PHACTR2: variants seen among roughly 807,000 people sequenced by gnomAD.
The protein encoded by PHACTR2 is chromosome 6 open reading frame 56.
A neutral mutation model predicts 76.0 loss-of-function variants in PHACTR2; 30 were observed. That is an observed-to-expected ratio of 0.39 (90% confidence interval 0.30 to 0.54). The LOEUF is 0.54. Ranked by LOEUF, PHACTR2 falls within the 20% of genes least tolerant of loss-of-function variation. The probability of loss-of-function intolerance (pLI) is 0.61; values close to 1 mark genes in which losing one functional copy is unlikely to be tolerated. For missense variants in PHACTR2, 696 were observed against 781.1 expected (o/e 0.89, Z 1.30); for synonymous variants, 292 against 292.5 (o/e 1.00, Z 0.02).
chr6:143,703,502 T>A (rs9373397), intron 1 of PHACTR2, among the ~76,000 whole-genome samples: 35,309 of 152,096 alleles, frequency 0.23, 4,236 homozygotes, highest in East Asian at 0.37. Flanking sequence ...TTGGGAGGCA[T>A]GTATGAATAG....
In PHACTR2 at chr6:143,772,085, A is replaced by G. The variant is rs1253417764; in HGVS notation, c.1233-173A>G. Among the ~76,000 whole-genome samples the G allele has an allele frequency of 6.6e-6, 1 of 152,226 alleles. No individual in the cohort carries two copies. The highest frequency in any genetic ancestry group is 1.5e-5 in the Non-Finnish European group (1 of 68,032). ...TTGCATTTTACAGATGAAAAATGTA[A>G]AACCTTGAGAATTAAGGTTTCATTT... On this transcript the variant is annotated intron_variant, in intron 6 of 12. Transcript: ENST00000440869. The surrounding 1 kb of genome is among the most constrained non-coding windows in gnomAD (Gnocchi z 5.4).
chr6:143,621,797 C>T lies in PHACTR2; in HGVS notation c.13+13475C>T, dbSNP rs767208747. The stretch of plus-strand genomic sequence containing the variant: ...CACCTACGTGGACTTTAAATCTTTG[C>T]GAACAGTAGCTCATTTCTTCCTCTC... On this transcript the variant is annotated intron_variant, in intron 1 of 11. Coordinates refer to the PHACTR2 transcript ENST00000305766. This position sits in a 1 kb window ranked among gnomAD's most constrained non-coding sequence, Gnocchi z 4.1. Among the ~76,000 whole-genome samples, 12 of 152,254 alleles carry T rather than the reference C, an allele frequency of 7.9e-5. No homozygotes were observed. Among genetic ancestry groups the T allele is most frequent in the East Asian group, 1.9e-4 (1 of 5,178 alleles).
At chr6:143,762,455 T>A (rs1779464182) in intron 5 of PHACTR2, among the ~76,000 whole-genome samples, 1 of 152,232 alleles carries the variant, frequency 6.6e-6, no homozygotes, top group Admixed American at 6.5e-5. Flanking sequence ...AAGGCCTGAC[T>A]TTTCCAGAGG....
rs183982941 is a variant in PHACTR2 at position 143,688,286 on chromosome 6, C to A, written c.46+10077C>A. 3.4e-4 allele frequency among the ~76,000 whole-genome samples: 51 copies of A among 151,710 alleles called. 1 individual carries two copies. Among genetic ancestry groups the A allele is most frequent in the Middle Eastern group, 3.4e-3 (1 of 294 alleles). On this transcript the variant is annotated intron_variant, in intron 1 of 12. Coordinates refer to ENST00000440869, the MANE Select transcript of PHACTR2 (RefSeq NM_001100164.2). The surrounding 1 kb of genome is among the most constrained non-coding windows in gnomAD (Gnocchi z 5.2). ...TCATGGGGAGAGACTGAAAGTGGGA[C>A]CAAGAAGTAGGCTGGAATAATCCAG...
At position 143,789,746 on chromosome 6, in the gene PHACTR2, T is replaced by A. The variant is rs13195123; in HGVS notation, c.1845+836T>A. ...AAACTAGGCATTTAATCATGCTCTGTGCTGACTCTTTTTAATAGGAAGCTT... is the reference window on the plus strand; with the variant it reads ...AAACTAGGCATTTAATCATGCTCTGAGCTGACTCTTTTTAATAGGAAGCTT... On this transcript the variant is annotated intron_variant, in intron 11 of 12. Transcript: ENST00000440869. The surrounding 1 kb of genome is among the most constrained non-coding windows in gnomAD (Gnocchi z 5.1). Among the ~76,000 whole-genome samples, 1 of 152,226 alleles carries A rather than the reference T, an allele frequency of 6.6e-6. No individual in the cohort carries two copies. Among genetic ancestry groups the A allele is most frequent in the African/African-American group, 2.4e-5 (1 of 41,462 alleles).
chr6:143,650,444 AC>A (rs1224390289), intron 1 of PHACTR2, among the ~76,000 whole-genome samples: 2 of 152,200 alleles, frequency 1.3e-5, no homozygotes, highest in African/African-American at 4.8e-5. Context: ...AAACAAAACT[AC>A]AGTAACAAAA....
chr6:143,811,385 AT>A lies in PHACTR2; in HGVS notation c.1922+4260del, dbSNP rs1212171238. Among the ~76,000 whole-genome samples the A allele has an allele frequency of 2.0e-5, 3 of 151,734 alleles. No homozygotes were observed. The highest frequency in any genetic ancestry group is 2.1e-4 in the South Asian group (1 of 4,820). ...TTTCACCCTCAAAATTCTATTGGCT[AT>A]TTTTTTTATTTACTCATCTAGAGAA... On this transcript the variant is annotated intron_variant, in intron 12 of 12. Coordinates refer to ENST00000440869, the MANE Select transcript of PHACTR2 (RefSeq NM_001100164.2). This position sits in a 1 kb window ranked among gnomAD's most constrained non-coding sequence, Gnocchi z 4.1.
At chr6:143,734,266 A>G (rs368898155) in intron 2 of PHACTR2, among the ~76,000 whole-genome samples, 4 of 152,376 alleles carry the variant, frequency 2.6e-5, no homozygotes, top group African/African-American at 9.6e-5. Context: ...TGCACAATAA[A>G]TGGCCTAACC....
In PHACTR2 at chr6:143,743,439, A is replaced by C. The variant is rs1445049871; in HGVS notation, c.215-5546A>C. Among the ~76,000 whole-genome samples the C allele has an allele frequency of 6.6e-6, 1 of 152,222 alleles. No individual in the cohort carries two copies. The highest frequency in any genetic ancestry group is 1.5e-5 in the Non-Finnish European group (1 of 68,030). On this transcript the variant is annotated intron_variant, in intron 2 of 12. Coordinates refer to ENST00000440869, the MANE Select transcript of PHACTR2 (RefSeq NM_001100164.2). The surrounding 1 kb of genome is among the most constrained non-coding windows in gnomAD (Gnocchi z 5.0). Reference sequence around the variant, plus strand: ...GAGTGGCTGGAGCAGATAAACAAAAAAATCGCCAGACCCCTGAGTGTTTTT... The same window carrying C: ...GAGTGGCTGGAGCAGATAAACAAAACAATCGCCAGACCCCTGAGTGTTTTT...
chr6:143,549,194 C>T lies in PHACTR2; in HGVS notation c.217+11987C>T, dbSNP rs1775051142. On this transcript the variant is annotated intron_variant, in intron 1 of 11. Coordinates refer to the PHACTR2 transcript ENST00000367584. The surrounding 1 kb of genome is among the most constrained non-coding windows in gnomAD (Gnocchi z 4.2). The stretch of plus-strand genomic sequence containing the variant: ...CTCAGTGGTCATTTAACCAGATCTC[C>T]TCATTCCTTCAGGAAGATTAATAGT... 6.6e-6 allele frequency among the ~76,000 whole-genome samples: 1 copy of T among 152,014 alleles called. No individual in the cohort carries two copies. The highest frequency in any genetic ancestry group is 6.6e-5 in the Admixed American group (1 of 15,260).
rs186349758 is a variant in PHACTR2 at position 143,646,174 on chromosome 6, C to T, written c.13+37852C>T. On this transcript the variant is annotated intron_variant, in intron 1 of 11. Transcript: ENST00000305766. The surrounding 1 kb of genome is among the most constrained non-coding windows in gnomAD (Gnocchi z 4.1). ...TATGTCTGAGGTCATAGGCTGGGTA[C>T]AAGAGAGGTATAAATTAGGCTCAAA... is the stretch of plus-strand genomic sequence containing the variant. Among the ~76,000 whole-genome samples the T allele has an allele frequency of 6.6e-6, 1 of 151,994 alleles. No individual in the cohort carries two copies. The highest frequency in any genetic ancestry group is 1.5e-5 in the Non-Finnish European group (1 of 68,004).
rs72990820 is a variant in PHACTR2, at chr6:143,653,269, A to G, written c.13+44947A>G. The stretch of plus-strand genomic sequence containing the variant: ...TTTTAGTCAAGCTGTCACAAAGTTC[A>G]TGACTTGGTTTTTCCACTCTTGTAA... On this transcript the variant is annotated intron_variant, in intron 1 of 11. Transcript: ENST00000305766. The surrounding 1 kb of genome is among the most constrained non-coding windows in gnomAD (Gnocchi z 4.9). 1.7e-3 allele frequency among the ~76,000 whole-genome samples: 263 copies of G among 152,310 alleles called. No individual in the cohort carries two copies. The highest frequency in any genetic ancestry group is 6.8e-3 in the Middle Eastern group (2 of 294).
rs1265083036 is a variant in PHACTR2 at position 143,656,310 on chromosome 6, T to C, written c.13+47988T>C. Among the ~76,000 whole-genome samples the C allele has an allele frequency of 6.6e-6, 1 of 152,204 alleles. No homozygotes were observed. The highest frequency in any genetic ancestry group is 1.5e-5 in the Non-Finnish European group (1 of 68,030). On this transcript the variant is annotated intron_variant, in intron 1 of 11. Transcript: ENST00000305766. This position sits in a 1 kb window ranked among gnomAD's most constrained non-coding sequence, Gnocchi z 5.3. Reference sequence around the variant, plus strand: ...CAAACTGAGAGATCTCTCAAGTCTTTCCTGGCTGTAACAGTTACAGGGGCG... The same window carrying C: ...CAAACTGAGAGATCTCTCAAGTCTTCCCTGGCTGTAACAGTTACAGGGGCG...
intron 1 of PHACTR2, among the ~76,000 whole-genome samples, chr6:143,631,651 C>G (rs960171746): frequency 3.9e-5 from 6 of 152,112 alleles, no homozygotes; most frequent in Admixed American, 3.3e-4. Context: ...AATTCTTAAC[C>G]GATAATGTCC....
At position 143,537,033 on chromosome 6, in the gene PHACTR2, C is replaced by A; in HGVS notation, c.43C>A (p.Pro15Thr). 1 of 175,274 alleles carries A rather than the reference C, an allele frequency of 5.7e-6. No homozygotes were observed. Among genetic ancestry groups the A allele is most frequent in the South Asian group, 1.7e-4 (1 of 5,872 alleles). 10.9% of individuals were successfully genotyped at this position (175,274 alleles called of 1,614,324 possible). Residue 15 changes from proline to threonine, a missense_variant, in exon 1 of 12, where the codon CCG becomes ACG. Physicochemically the swap from Pro to Thr is conservative, Grantham distance 38 (BLOSUM62 -1). Transcript: ENST00000367584. This position sits in a 1 kb window ranked among gnomAD's most constrained non-coding sequence, Gnocchi z 4.4. ...GCGCCCCGCGGCGTCCCCGGTCGAT[C>A]CGGCCGGGCAGGCGGCGGCGGTCCC...
At chr6:143,786,256 G>A (rs2128478905) in intron 10 of PHACTR2, among the ~76,000 whole-genome samples, 1 of 152,234 alleles carries the variant, frequency 6.6e-6, no homozygotes, top group East Asian at 1.9e-4. Context: ...TCTAGGGCAG[G>A]GGCAAAATGC....
intron 2 of PHACTR2, among the ~76,000 whole-genome samples, chr6:143,736,329 C>G (rs994228042): frequency 1.3e-5 from 2 of 152,078 alleles, no homozygotes; most frequent in African/African-American, 4.8e-5. Context: ...CCCTAAGTTC[C>G]AGGCCTTATG....
rs922243398 is a variant in PHACTR2, at chr6:143,776,085, A to G, written c.1590-1243A>G. On this transcript the variant is annotated intron_variant, in intron 8 of 12. Transcript: ENST00000440869. This position sits in a 1 kb window ranked among gnomAD's most constrained non-coding sequence, Gnocchi z 5.3. ...CAGTGAGCCGAGATTGTACCACTGC[A>G]CACCAGCCTGGGCAACAGAGTGAGA... Among the ~76,000 whole-genome samples, 2 of 152,230 alleles carry G rather than the reference A, an allele frequency of 1.3e-5. No individual in the cohort carries two copies. Among genetic ancestry groups the G allele is most frequent in the Non-Finnish European group, 2.9e-5 (2 of 68,042 alleles).
rs367905787 is a variant in PHACTR2 at position 143,584,312 on chromosome 6, G to A, written c.217+47105G>A. On this transcript the variant is annotated intron_variant, in intron 1 of 11. Coordinates refer to the PHACTR2 transcript ENST00000367584. ...CAATGGACTAGAGACTTCATTTTGC[G>A]TCTCCGAGTGTTGGATGAGGCATCC... Among the ~76,000 whole-genome samples the A allele has an allele frequency of 1.4e-4, 21 of 152,304 alleles. 2 individuals are homozygous for A. Among genetic ancestry groups the A allele is most frequent in the East Asian group, 5.8e-4 (3 of 5,192 alleles).
Sources: allele counts gnomAD v4.1 joint callset (sites outside exome capture counted in the v4.1 genomes callset), GRCh38; gene constraint gnomAD v4.1.1; non-coding constraint Gnocchi (gnomAD v3.1); transcripts MANE v1.5; gene names NCBI Gene and HGNC (gene_info 2026-07-23, HGNC 2026-07-21).